The following SPEF2 variants were observed in gnomAD, a reference collection of about 807,000 sequenced individuals.
SPEF2 encodes the protein sperm flagellar and cilia associated 2, also known as sperm flagella and cilia-associated protein 2.
A neutral mutation model predicts 224.6 loss-of-function variants in SPEF2; 187 were observed. The observed-to-expected ratio is 0.83, with a 90% CI of 0.74 to 0.94. SPEF2 has a LOEUF of 0.94. SPEF2 is among the 40% of genes least tolerant of loss of function. The pLI is 0.00. For missense variants in SPEF2, 2,170 were observed against 2,135.6 expected (o/e 1.02, Z -0.32); for synonymous variants, 715 against 707.3 (o/e 1.01, Z -0.17).
At chr5:35,790,666 T>C in intron 30 of SPEF2, 1 of 210,730 alleles carries the variant, frequency 4.7e-6, no homozygotes, top group Non-Finnish European at 9.3e-6. Flanking sequence ...TTTTTTCAGT[T>C]ATTCCTAAGG....
chr5:35,619,657 A>T (rs79374610), intron 1 of SPEF2, among the ~76,000 whole-genome samples: 1 of 152,078 alleles, frequency 6.6e-6, no homozygotes, highest in African/African-American at 2.4e-5. Flanking sequence ...AGTCTGGGCA[A>T]CACAGAAAGA....
intron 26 of SPEF2, among the ~76,000 whole-genome samples, chr5:35,766,102 C>T (rs1248346531): frequency 1.3e-5 from 2 of 152,036 alleles, no homozygotes; most frequent in Non-Finnish European, 2.9e-5. Flanking sequence ...TTTCCTTTCT[C>T]ATGCTATCTT....
chr5:35,637,756 C>T (rs1005655820), intron 2 of SPEF2, among the ~76,000 whole-genome samples: 3 of 152,130 alleles, frequency 2.0e-5, no homozygotes, highest in Admixed American at 6.6e-5. Flanking sequence ...CCCCAGCTGC[C>T]CCCTCTTCCT....
intron 30 of SPEF2, among the ~76,000 whole-genome samples, chr5:35,786,426 G>T (rs780625801): frequency 6.6e-6 from 1 of 152,214 alleles, no homozygotes; most frequent in Admixed American, 6.5e-5. Flanking sequence ...TTGGGAAGCC[G>T]AGGTGGGTGG....
At chr5:35,721,761 C>G (rs1743723549) in intron 20 of SPEF2, among the ~76,000 whole-genome samples, 1 of 152,070 alleles carries the variant, frequency 6.6e-6, no homozygotes, top group African/African-American at 2.4e-5. Context: ...AGAAGAAAAT[C>G]CAGTTGCTGG....
chr5:35,738,401 G>A (rs1747015474), intron 21 of SPEF2, among the ~76,000 whole-genome samples: 1 of 151,558 alleles, frequency 6.6e-6, no homozygotes, highest in Non-Finnish European at 1.5e-5. Flanking sequence ...TAAGGTGTAA[G>A]GAAGGGATCC....
At chr5:35,768,760 A>G (rs1293654761) in intron 26 of SPEF2, among the ~76,000 whole-genome samples, 1 of 152,154 alleles carries the variant, frequency 6.6e-6, no homozygotes, top group East Asian at 1.9e-4. Context: ...CTTTGATATC[A>G]CACAATCTTA....
rs150970277 is a variant in SPEF2 at position 35,645,309 on chromosome 5, A to G, written c.585+784A>G. Among the ~76,000 whole-genome samples, 38 of 152,310 alleles carry G rather than the reference A, an allele frequency of 2.5e-4. 1 individual carries two copies. The East Asian group carries it at 7.2e-3, about 29-fold the overall frequency. ...GAATGTAGTCAGCTCTTTGTAGGGA[A>G]GAATGGGAAGATGACAGACAAACTG... On this transcript the variant is annotated intron_variant, in intron 4 of 36. Transcript: ENST00000356031.
chr5:35,778,865 G>A (rs1753951700), intron 29 of SPEF2, among the ~76,000 whole-genome samples: 1 of 152,020 alleles, frequency 6.6e-6, no homozygotes, highest in South Asian at 2.1e-4. Context: ...TTCTCTTTAA[G>A]TTCAGTTTTG....
intron 32 of SPEF2, among the ~76,000 whole-genome samples, chr5:35,793,707 G>A (rs7708334): frequency 0.029 from 4,344 of 150,232 alleles, 222 homozygotes; most frequent in African/African-American, 0.1. Flanking sequence ...AGCTCCCAGC[G>A]TAGAAAGAAC....
chr5:35,746,015 C>T (rs1748472550), intron 23 of SPEF2, among the ~76,000 whole-genome samples: 1 of 152,220 alleles, frequency 6.6e-6, no homozygotes, highest in South Asian at 2.1e-4. Context: ...CAGACAACCC[C>T]CAGTACCAAC....
At chr5:35,654,957 G>A (rs950186254) in intron 7 of SPEF2, among the ~76,000 whole-genome samples, 1 of 151,866 alleles carries the variant, frequency 6.6e-6, no homozygotes, top group Admixed American at 6.5e-5. Context: ...TAAGACAAAT[G>A]TATACTTTAA....
At chr5:35,813,693 A>C (rs1375464443) in intron 36 of SPEF2, among the ~76,000 whole-genome samples, 1 of 152,328 alleles carries the variant, frequency 6.6e-6, no homozygotes, top group Non-Finnish European at 1.5e-5. Context: ...GCATATGTCA[A>C]TTGGCAAGGG....
At chr5:35,696,448 A>G (rs1042174840) in intron 14 of SPEF2, among the ~76,000 whole-genome samples, 9 of 152,234 alleles carry the variant, frequency 5.9e-5, no homozygotes, top group African/African-American at 2.2e-4. Context: ...TTCAGAAAAA[A>G]CAGGAAAAGG....
chr5:35,710,614 G>A, intron 19 of SPEF2: 2 of 985,122 alleles, frequency 2.0e-6, no homozygotes, highest in South Asian at 4.7e-5. Flanking sequence ...GGTCAGGTGA[G>A]CCTAGAATTA....
chr5:35,661,757 CA>C (rs1333252834), intron 8 of SPEF2, among the ~76,000 whole-genome samples: 3 of 152,142 alleles, frequency 2.0e-5, no homozygotes, highest in Non-Finnish European at 2.9e-5. Context: ...GACATGATCT[CA>C]TTGCTTTTTA....
chr5:35,626,115 A>T (rs1457952723), intron 1 of SPEF2, among the ~76,000 whole-genome samples: 1 of 152,202 alleles, frequency 6.6e-6, no homozygotes, highest in African/African-American at 2.4e-5. Context: ...CAATAGATCT[A>T]GCTGAGTTAT....
chr5:35,705,789 A>C lies in SPEF2; in HGVS notation c.2646A>C (p.Ile882=). ...EKVKEILTTE[I]AKKKNKVEKK... is the part of the protein sequence containing the mutation. The stretch of plus-strand genomic sequence containing the variant: ...TAAAAGAAATTCTTACGACTGAAAT[A>C]GCAAAAAAAAAGAATAAAGGTATTT... Residue 882 remains isoleucine, a synonymous_variant, in exon 18 of 37, where the codon ATA becomes ATC. Coordinates refer to ENST00000356031, the MANE Select transcript of SPEF2 (RefSeq NM_024867.4). The C allele has an allele frequency of 6.7e-7, 1 of 1,495,766 alleles. No individual in the cohort carries two copies. The highest frequency in any genetic ancestry group is 9.1e-7 in the Non-Finnish European group (1 of 1,102,000). The allele number at this position is 1,495,766 out of a possible 1,614,324, so 92.7% of individuals were successfully genotyped here. A position where few individuals can be genotyped will look rare whatever the true frequency, so the allele number is the denominator to read the frequency against.
chr5:35,744,211 T>C (rs1214999674), intron 23 of SPEF2, among the ~76,000 whole-genome samples: 3 of 152,254 alleles, frequency 2.0e-5, no homozygotes, highest in South Asian at 2.1e-4. Flanking sequence ...GGAAAGTCTT[T>C]ACAACTTTTG....
Sources: allele counts gnomAD v4.1 joint callset (sites outside exome capture counted in the v4.1 genomes callset), GRCh38; gene constraint gnomAD v4.1.1; transcripts MANE v1.5; gene names NCBI Gene and HGNC (gene_info 2026-07-23, HGNC 2026-07-21).